The following ZDHHC14 variants were observed in gnomAD, a reference collection of about 807,000 sequenced individuals.
ZDHHC14 encodes zDHHC palmitoyltransferase 14.
A neutral mutation model predicts 47.7 loss-of-function variants in ZDHHC14; 16 were observed. The observed-to-expected ratio is 0.34, with a 90% CI of 0.23 to 0.51. The LOEUF (loss-of-function observed/expected upper bound fraction) is 0.51, where lower values mean the gene tolerates loss of function less well. Ranked by LOEUF, ZDHHC14 falls within the 20% of genes least tolerant of loss-of-function variation. ZDHHC14 has a pLI of 0.97. For synonymous variants in ZDHHC14, 293 were observed against 278.9 expected (o/e 1.05, Z -0.50); for missense variants, 515 against 662.5 (o/e 0.78, Z 2.44).
chr6:157,650,651 A>AG lies in ZDHHC14; in HGVS notation c.966-2874_966-2873insG, dbSNP rs527426995. On this transcript the variant is annotated intron_variant, in intron 7 of 8. Transcript: ENST00000359775. ...TAATTTCTCTTGTCATTAAAAAAAA[A>AG]AGAGAGAGAGAGAGCAAGAGAGAGC... Among the ~76,000 whole-genome samples the AG allele has an allele frequency of 7.6e-3, 1,110 of 145,570 alleles. 14 individuals carry two copies. The highest frequency in any genetic ancestry group is 0.026 in the African/African-American group (1,074 of 40,658).
intron 1 of ZDHHC14, among the ~76,000 whole-genome samples, chr6:157,382,958 G>A (rs1403818701): frequency 6.6e-6 from 1 of 152,204 alleles, no homozygotes; most frequent in Non-Finnish European, 1.5e-5. Flanking sequence ...ACATGTGAAA[G>A]GAGACCTTAG....
At chr6:157,592,885 C>A (rs567567123) in intron 2 of ZDHHC14, 103 bp from the exon 3 acceptor site, 10 of 1,499,774 alleles carry the variant, frequency 6.7e-6, no homozygotes, top group South Asian at 5.6e-5. Flanking sequence ...CCCTGCCAGC[C>A]GCTGTGCCTG....
chr6:157,580,832 G>A (rs1411562272), intron 2 of ZDHHC14, among the ~76,000 whole-genome samples: 1 of 151,122 alleles, frequency 6.6e-6, no homozygotes, highest in Non-Finnish European at 1.5e-5. Context: ...TATTAGTCTA[G>A]CTAGCAGTCT....
At position 157,420,782 on chromosome 6, in the gene ZDHHC14, A is replaced by G. The variant is rs111715401; in HGVS notation, c.245+38516A>G. 6.2e-4 allele frequency among the ~76,000 whole-genome samples: 94 copies of G among 152,152 alleles called. 1 individual carries two copies. Among genetic ancestry groups the G allele is most frequent in the Non-Finnish European group, 1.9e-4 (13 of 68,032 alleles). On this transcript the variant is annotated intron_variant, in intron 1 of 8. Coordinates refer to ENST00000359775, the MANE Select transcript of ZDHHC14 (RefSeq NM_024630.3). ...AGAGACAACATCAAGGACGGATGGGAGCCACTGCTTGAATGGAGAGATGTG... is the reference window on the plus strand; with the variant it reads ...AGAGACAACATCAAGGACGGATGGGGGCCACTGCTTGAATGGAGAGATGTG...
intron 1 of ZDHHC14, among the ~76,000 whole-genome samples, chr6:157,540,233 T>C (rs1038368341): frequency 4.6e-5 from 7 of 151,494 alleles, no homozygotes; most frequent in Admixed American, 3.9e-4. Context: ...GGTTAGGGGG[T>C]GGAGGTGATG....
intron 1 of ZDHHC14, among the ~76,000 whole-genome samples, chr6:157,541,035 A>G (rs1435725475): frequency 6.6e-6 from 1 of 151,876 alleles, no homozygotes; most frequent in Non-Finnish European, 1.5e-5. Flanking sequence ...AGTTACAAGA[A>G]TAAGAGTAGT....
intron 3 of ZDHHC14, among the ~76,000 whole-genome samples, chr6:157,620,871 C>T (rs1223004116): frequency 6.6e-6 from 1 of 152,226 alleles, no homozygotes; most frequent in Non-Finnish European, 1.5e-5. Flanking sequence ...GGTTCCAATG[C>T]TGACTCCTCC....
At chr6:157,632,999 C>A in intron 5 of ZDHHC14, 117 bp downstream of exon 5, 3 of 1,056,724 alleles carry the variant, frequency 2.8e-6, no homozygotes, top group Non-Finnish European at 4.4e-6. Context: ...TATCTTATTC[C>A]AAAGAACTCC....
chr6:157,491,468 T>C (rs1779914031), intron 1 of ZDHHC14, among the ~76,000 whole-genome samples: 2 of 152,218 alleles, frequency 1.3e-5, no homozygotes, highest in Admixed American at 1.3e-4. Context: ...TAGGTTAGTG[T>C]TGCTGGACAT....
chr6:157,389,462 GT>G (rs1425347647), intron 1 of ZDHHC14, among the ~76,000 whole-genome samples: 7 of 152,332 alleles, frequency 4.6e-5, no homozygotes, highest in Non-Finnish European at 8.8e-5. Context: ...GGATGCAACA[GT>G]CCGTATTCAG....
Position 157,675,390 on chromosome 6 carries a change from CT to C in ZDHHC14, c.*2270del, listed in dbSNP as rs1413697519. 3 of 152,222 alleles carry C rather than the reference CT, an allele frequency of 2.0e-5. No homozygotes were observed. The highest frequency in any genetic ancestry group is 4.4e-5 in the Non-Finnish European group (3 of 68,052). The allele number at this position is 152,222 out of a possible 1,614,324, so 9.4% of individuals were successfully genotyped here. A position where few individuals can be genotyped will look rare whatever the true frequency, so the allele number is the denominator to read the frequency against. On this transcript the variant is annotated 3_prime_UTR_variant, in exon 9 of 9. Transcript: ENST00000359775. ...CTTGTCTTCACATAATGGATATTTA[CT>C]TAATATTTATTATCAATTTCCCCAC...
intron 1 of ZDHHC14, among the ~76,000 whole-genome samples, chr6:157,489,694 G>A (rs565607661): frequency 3.9e-5 from 6 of 152,298 alleles, no homozygotes; most frequent in Admixed American, 1.3e-4. Flanking sequence ...GATAAGAACC[G>A]CAATGCGTGG....
chr6:157,561,620 A>G (rs1782712028), intron 2 of ZDHHC14, among the ~76,000 whole-genome samples: 1 of 152,244 alleles, frequency 6.6e-6, no homozygotes, highest in African/African-American at 2.4e-5. Flanking sequence ...CACCTGGCAC[A>G]GAGCAGGTGC....
chr6:157,671,455 CCTTCCCATCAA>C (rs1313861964), intron 8 of ZDHHC14, among the ~76,000 whole-genome samples: 1 of 152,164 alleles, frequency 6.6e-6, no homozygotes, highest in Non-Finnish European at 1.5e-5. Context: ...GTCTGTTCCT[CCTTCCCATCAA>C]AACACTGCTC....
intron 1 of ZDHHC14, among the ~76,000 whole-genome samples, chr6:157,465,756 TG>T (rs2114819524): frequency 6.6e-6 from 1 of 152,006 alleles, no homozygotes; most frequent in Non-Finnish European, 1.5e-5. Flanking sequence ...TAGAGAGAGG[TG>T]GGGGCTGGGC....
intron 3 of ZDHHC14, among the ~76,000 whole-genome samples, chr6:157,622,461 T>G (rs111625480): frequency 0.032 from 4,812 of 152,236 alleles, 143 homozygotes; most frequent in African/African-American, 0.088. Context: ...AATAGGACCA[T>G]AGCTCTTTTT....
intron 1 of ZDHHC14, among the ~76,000 whole-genome samples, chr6:157,514,551 A>T (rs1311447992): frequency 6.6e-6 from 1 of 152,260 alleles, no homozygotes; most frequent in African/African-American, 2.4e-5. Context: ...AGTCCCTGGA[A>T]TCCCCAATCT....
chr6:157,525,475 C>T (rs1257044616), intron 1 of ZDHHC14, among the ~76,000 whole-genome samples: 1 of 152,168 alleles, frequency 6.6e-6, no homozygotes, highest in African/African-American at 2.4e-5. Flanking sequence ...CTCCATTGGG[C>T]TGTTTACAGC....
rs575524037 is a variant in ZDHHC14, at chr6:157,677,850, T to TTAAAAAAA, written c.*4728_*4729insTAAAAAAA. The TTAAAAAAA allele has an allele frequency of 8.3e-6, 1 of 120,010 alleles. No individual in the cohort carries two copies. The allele number at this position is 120,010 out of a possible 1,614,324, so 7.4% of individuals were successfully genotyped here. ...AATAGAGATGGTTTTAGCCTGCAAT[T>TTAAAAAAA]AAAAAAAAAAAAAAAAACGGTTGAA... On this transcript the variant is annotated 3_prime_UTR_variant, in exon 9 of 9. Coordinates refer to ENST00000359775, the MANE Select transcript of ZDHHC14 (RefSeq NM_024630.3).
Sources: allele counts gnomAD v4.1 joint callset (sites outside exome capture counted in the v4.1 genomes callset), GRCh38; gene constraint gnomAD v4.1.1; transcripts MANE v1.5; gene names NCBI Gene and HGNC (gene_info 2026-07-23, HGNC 2026-07-21).